Variants in CERKL observed in about 807,000 individuals in gnomAD.
CERKL encodes ceramide kinase-like protein.
A neutral mutation model predicts 63.4 loss-of-function variants in CERKL; 61 were observed. That is an observed-to-expected ratio of 0.96 (90% CI 0.78 to 1.19). The LOEUF (loss-of-function observed/expected upper bound fraction) is 1.19, where lower values mean the gene tolerates loss of function less well. Among genes scored for constraint, CERKL ranks in the 50% most tolerant of loss-of-function variants. The probability of loss-of-function intolerance (pLI) is 0.00; values close to 1 mark genes in which losing one functional copy is unlikely to be tolerated. For missense variants in CERKL, 675 were observed against 655.5 expected, an observed-to-expected ratio of 1.03 and a Z score of -0.33; for synonymous variants, 250 against 230.5, an observed-to-expected ratio of 1.08 and a Z score of -0.77.
In CERKL at chr2:181,592,863, G is replaced by A. The variant is rs370411038; in HGVS notation, c.481+10974C>T. On this transcript the variant is annotated intron_variant, in intron 2 of 12. Transcript: ENST00000410087. Reference sequence around the variant, plus strand: ...CCATGACACACCAAGAAATCATGATGATGATGATGACGGTGATAATGATGA... The same window carrying A: ...CCATGACACACCAAGAAATCATGATAATGATGATGACGGTGATAATGATGA... Among the ~76,000 whole-genome samples, 3 of 152,120 alleles carry A rather than the reference G, an allele frequency of 2.0e-5. No homozygotes were observed. In the East Asian group the frequency reaches 5.8e-4, roughly 29 times the overall value.
At chr2:181,638,939 T>C (rs1315599605) in intron 1 of CERKL, among the ~76,000 whole-genome samples, 1 of 151,958 alleles carries the variant, frequency 6.6e-6, no homozygotes, top group Non-Finnish European at 1.5e-5. Flanking sequence ...TTCTTGCCCA[T>C]GAGAAACTAT....
intron 1 of CERKL, among the ~76,000 whole-genome samples, chr2:181,619,359 C>T (rs543752079): frequency 1.3e-5 from 2 of 151,640 alleles, no homozygotes; most frequent in East Asian, 3.9e-4. Context: ...TTCAGCTACA[C>T]AGATCAGTTT....
chr2:181,596,553 A>T (rs1015788925), intron 2 of CERKL, among the ~76,000 whole-genome samples: 1 of 152,204 alleles, frequency 6.6e-6, no homozygotes, highest in Non-Finnish European at 1.5e-5. Context: ...GCATCCCATA[A>T]ACCAGTCATA....
At chr2:181,613,764 A>G (rs1167845888) in intron 1 of CERKL, among the ~76,000 whole-genome samples, 2 of 152,220 alleles carry the variant, frequency 1.3e-5, no homozygotes, top group Non-Finnish European at 2.9e-5. Context: ...AGGTGTCAAT[A>G]TCTCACATAG....
intron 1 of CERKL, among the ~76,000 whole-genome samples, chr2:181,649,204 T>A (rs1045495663): frequency 1.3e-5 from 2 of 152,058 alleles, no homozygotes; most frequent in African/African-American, 4.8e-5. Flanking sequence ...AGTGAAGAAA[T>A]GGAAAAAGAT....
chr2:181,610,399 T>C (rs1283500883), intron 1 of CERKL, among the ~76,000 whole-genome samples: 4 of 152,202 alleles, frequency 2.6e-5, no homozygotes, highest in Non-Finnish European at 5.9e-5. Flanking sequence ...GCAAAAATGG[T>C]AATTGCTGGA....
intron 6 of CERKL, among the ~76,000 whole-genome samples, 187 bp from the exon 7 acceptor site, chr2:181,549,044 A>G (rs1687868683): frequency 6.6e-6 from 1 of 152,216 alleles, no homozygotes; most frequent in Non-Finnish European, 1.5e-5. Context: ...TAACTTGTTC[A>G]GGTACTAGTG....
intron 1 of CERKL, among the ~76,000 whole-genome samples, chr2:181,606,487 T>G (rs1361803937): frequency 1.8e-3 from 5 of 2,838 alleles, no homozygotes; most frequent in Non-Finnish European, 2.5e-3. Flanking sequence ...GAGGAGAGGG[T>G]AGGGGAGACG....
chr2:181,570,536 T>A (rs1422891612), intron 3 of CERKL, among the ~76,000 whole-genome samples: 1 of 152,142 alleles, frequency 6.6e-6, no homozygotes, highest in African/African-American at 2.4e-5. Flanking sequence ...TACGAATAGG[T>A]AATTAGGAAA....
chr2:181,594,314 C>A lies in CERKL; in HGVS notation c.481+9523G>T, dbSNP rs560559379. 2.6e-5 allele frequency among the ~76,000 whole-genome samples: 4 copies of A among 152,312 alleles called. No homozygotes were observed. The South Asian group carries it at 8.3e-4, about 32-fold the overall frequency. On this transcript the variant is annotated intron_variant, in intron 2 of 12. Coordinates refer to ENST00000410087, the MANE Select transcript of CERKL (RefSeq NM_201548.5). ...AGTTAGCATTAAGTGATGATGTTTT[C>A]TATCAGAGTATCAGCAGTGCCAGGA...
chr2:181,566,022 A>G lies in CERKL; in HGVS notation c.677+36T>C, dbSNP rs760642137. On this transcript the variant is annotated intron_variant, in intron 4 of 12. Coordinates refer to ENST00000410087, the MANE Select transcript of CERKL (RefSeq NM_201548.5). The stretch of plus-strand genomic sequence containing the variant: ...ACTAGTGAAGGCATTTAATACATAA[A>G]TGATATAACATATATTGATTAATAA... 6.7e-6 allele frequency: 9 copies of G among 1,352,436 alleles called. No homozygotes were observed. The East Asian group carries it at 2.1e-4, about 32-fold the overall frequency. The allele number at this position is 1,352,436 out of a possible 1,614,324, so 83.8% of individuals were successfully genotyped here. A position where few individuals can be genotyped will look rare whatever the true frequency, so the allele number is the denominator to read the frequency against.
chr2:181,603,095 C>A, intron 2 of CERKL: 1 of 274,724 alleles, frequency 3.6e-6, no homozygotes, highest in South Asian at 3.5e-5. Context: ...GTTCTCTTTT[C>A]TCTGGAAATT....
chr2:181,656,118 T>C (rs1428479449), intron 1 of CERKL, among the ~76,000 whole-genome samples: 78 of 152,350 alleles, frequency 5.1e-4, no homozygotes, highest in Non-Finnish European at 5.9e-5. Context: ...AGCAAACCGC[T>C]TGACGTAACT....
At chr2:181,631,841 G>A (rs1362512935) in intron 1 of CERKL, among the ~76,000 whole-genome samples, 1 of 152,116 alleles carries the variant, frequency 6.6e-6, no homozygotes, top group African/African-American at 2.4e-5. Flanking sequence ...TAACCAAGCT[G>A]GGCTGTCACA....
In CERKL at chr2:181,601,127, T is replaced by A. The variant is rs575981458; in HGVS notation, c.481+2710A>T. ...TGAAAAAACAAAATTAATGCATAAA[T>A]CAAAAAAATTGAAACATGAAAATTG... On this transcript the variant is annotated intron_variant, in intron 2 of 12. Coordinates refer to ENST00000410087, the MANE Select transcript of CERKL (RefSeq NM_201548.5). Among the ~76,000 whole-genome samples the A allele has an allele frequency of 3.3e-5, 5 of 152,026 alleles. No individual in the cohort carries two copies. The East Asian group carries it at 9.7e-4, about 29-fold the overall frequency.
At chr2:181,575,265 G>A (rs1436761994) in intron 2 of CERKL, among the ~76,000 whole-genome samples, 3 of 152,186 alleles carry the variant, frequency 2.0e-5, no homozygotes, top group Admixed American at 6.5e-5. Context: ...TGCCTGAAGA[G>A]CGAGCCCAAA....
intron 11 of CERKL, among the ~76,000 whole-genome samples, chr2:181,541,277 C>G (rs1687492185): frequency 6.6e-6 from 1 of 152,164 alleles, no homozygotes; most frequent in South Asian, 2.1e-4. Flanking sequence ...AGAAAGCAGC[C>G]ATGTGCCAGC....
rs536299961 is a variant in CERKL, at chr2:181,584,474, T to C, written c.482-10590A>G. 6.3e-4 allele frequency among the ~76,000 whole-genome samples: 96 copies of C among 151,950 alleles called. 2 individuals are homozygous for C. In the South Asian group the frequency reaches 0.02, roughly 31 times the overall value. ...CTTCCATGAGCTATGGTCACACCAT[T>C]GCACTCCAGCCTGGACAACAGAGCA... On this transcript the variant is annotated intron_variant, in intron 2 of 12. Transcript: ENST00000410087.
chr2:181,613,189 G>A (rs1173979818), intron 1 of CERKL, among the ~76,000 whole-genome samples: 3 of 151,912 alleles, frequency 2.0e-5, no homozygotes, highest in South Asian at 4.2e-4. Flanking sequence ...CTTGACAACC[G>A]CAATTGTACT....
Sources: gnomAD v4.1 joint callset for allele counts (sites outside exome capture counted in the v4.1 genomes callset) on GRCh38, gnomAD v4.1.1 for gene constraint, MANE v1.5 for transcripts, NCBI Gene and HGNC (gene_info 2026-07-23, HGNC 2026-07-21) for gene names.